Variants in SGSM2 observed in about 807,000 individuals in gnomAD.
The protein encoded by SGSM2 is RUN and TBC1 domain containing 1.
Under a neutral mutation model 126.6 loss-of-function variants are expected in SGSM2, and 89 were observed. The observed-to-expected ratio is 0.70, with a 90% CI of 0.59 to 0.84. The LOEUF (loss-of-function observed/expected upper bound fraction) is 0.84. SGSM2 is among the 40% of genes least tolerant of loss of function. The probability of loss-of-function intolerance (pLI) is 0.00; values close to 1 mark genes in which losing one functional copy is unlikely to be tolerated. For missense variants in SGSM2, 1,404 were observed against 1,416.6 expected (o/e 0.99, Z 0.14); for synonymous variants, 614 against 574.3 (o/e 1.07, Z -0.99).
intron 2 of SGSM2, among the ~76,000 whole-genome samples, chr17:2,360,141 G>A (rs1462015072): frequency 6.6e-6 from 1 of 152,150 alleles, no homozygotes; most frequent in African/African-American, 2.4e-5. Flanking sequence ...TCAGGAGTTC[G>A]AGACCAGCCT....
At position 2,361,711 on chromosome 17, in the gene SGSM2, G is replaced by A. The variant is rs776451471; in HGVS notation, c.208G>A (p.Ala70Thr). ...AGFLRSDKMA[A>T]LFTKVGKTCP... Reference sequence around the variant, plus strand: ...CTTCCTGCGCAGTGACAAGATGGCAGCCCTGTTCACCAAGGTGGGGAAGAC... The same window carrying A: ...CTTCCTGCGCAGTGACAAGATGGCAACCCTGTTCACCAAGGTGGGGAAGAC... Residue 70 changes from alanine (A) to threonine (T), a missense_variant, in exon 3 of 24, where the codon GCC becomes ACC. Coordinates refer to ENST00000268989, the MANE Select transcript of SGSM2 (RefSeq NM_014853.3). 12 of 1,613,934 alleles carry A rather than the reference G, an allele frequency of 7.4e-6. No individual in the cohort carries two copies. The East Asian group carries it at 2.5e-4, about 33-fold the overall frequency.
chr17:2,345,386 G>T (rs1482927584), intron 2 of SGSM2, among the ~76,000 whole-genome samples: 1 of 151,560 alleles, frequency 6.6e-6, no homozygotes, highest in Non-Finnish European at 1.5e-5. Context: ...CACGAGGTCA[G>T]GAGATCGAGA....
chr17:2,358,431 C>A (rs1257341717), intron 2 of SGSM2, among the ~76,000 whole-genome samples: 1 of 152,194 alleles, frequency 6.6e-6, no homozygotes, highest in African/African-American at 2.4e-5. Context: ...GTCTCAGAGC[C>A]AGGCTCAGTG....
Position 2,380,370 on chromosome 17 carries a change from G to T in SGSM2, c.*850G>T. 1 of 1,429,076 alleles carries T rather than the reference G, an allele frequency of 7.0e-7. No individual in the cohort carries two copies. The highest frequency in any genetic ancestry group is 9.5e-7 in the Non-Finnish European group (1 of 1,049,912). 88.5% of individuals were successfully genotyped at this position (1,429,076 alleles called of 1,614,324 possible). A position where few individuals can be genotyped will look rare whatever the true frequency, so the allele number is the denominator to read the frequency against. On this transcript the variant is annotated 3_prime_UTR_variant, in exon 24 of 24. Coordinates refer to ENST00000268989, the MANE Select transcript of SGSM2 (RefSeq NM_014853.3). ...AGGAATCCCAGGGTGACTCTGTCGG[G>T]GAAGAATCCGGTCACAGCCTCCCCT...
chr17:2,363,757 C>A lies in SGSM2; in HGVS notation c.807+158C>A. 8.6e-7 allele frequency: 1 copy of A among 1,163,310 alleles called. No individual in the cohort carries two copies. Among genetic ancestry groups the A allele is most frequent in the Non-Finnish European group, 1.2e-6 (1 of 838,042 alleles). The allele number at this position is 1,163,310 out of a possible 1,614,324, so 72.1% of individuals were successfully genotyped here. On this transcript the variant is annotated intron_variant, in intron 7 of 23. Transcript: ENST00000268989. The surrounding 1 kb of genome is among the most constrained non-coding windows in gnomAD (Gnocchi z 4.2). Reference sequence around the variant, plus strand: ...CTCCCTGTTTCACACGACTCACGCCCAGCCTTTAGTTGGCAGGGGACAGGA... The same window carrying A: ...CTCCCTGTTTCACACGACTCACGCCAAGCCTTTAGTTGGCAGGGGACAGGA...
At position 2,372,476 on chromosome 17, in the gene SGSM2, G is replaced by C; in HGVS notation, c.1776G>C (p.Gln592His). The change falls in exon 15 of 24, where the codon CAG (glutamine) becomes CAC (histidine). Residue 592 changes from glutamine (Q) to histidine (H), a missense_variant. Transcript: ENST00000268989. The surrounding 1 kb of genome is among the most constrained non-coding windows in gnomAD (Gnocchi z 6.0). ...CCAAGGACGTGTGGAGCAAGTATCA[G>C]AAGGACAAAAAGGTGCCAACCCTGG... is the stretch of plus-strand genomic sequence containing the variant. ...GLTKDVWSKY[Q>H]KDKKNYKELE... 6.2e-7 allele frequency: 1 copy of C among 1,600,294 alleles called. No homozygotes were observed. Among genetic ancestry groups the C allele is most frequent in the South Asian group, 1.1e-5 (1 of 88,998 alleles).
rs534502927 is a variant in SGSM2 at position 2,374,000 on chromosome 17, G to A, written c.2100+487G>A. ...CCCGTAGAGCAGCCCCATTGGTGTC[G>A]ACTGGCGAGATCCTTCCTCCCCGCG... On this transcript the variant is annotated intron_variant, in intron 17 of 23. Transcript: ENST00000268989. 2.6e-4 allele frequency: 41 copies of A among 160,108 alleles called. 1 individual carries two copies. The highest frequency in any genetic ancestry group is 2.0e-3 in the East Asian group (11 of 5,488). 9.9% of individuals were successfully genotyped at this position (160,108 alleles called of 1,614,324 possible).
chr17:2,347,307 A>G (rs1425451738), intron 2 of SGSM2, among the ~76,000 whole-genome samples: 2 of 151,708 alleles, frequency 1.3e-5, no homozygotes, highest in Admixed American at 1.3e-4. Context: ...GGGTTTCACC[A>G]TGTTGGCCAG....
In SGSM2 at chr17:2,375,823, G is replaced by A. The variant is rs1165403910; in HGVS notation, c.2432G>A (p.Gly811Glu). 1.3e-6 allele frequency: 2 copies of A among 1,549,466 alleles called. No individual in the cohort carries two copies. Among genetic ancestry groups the A allele is most frequent in the South Asian group, 1.2e-5 (1 of 81,354 alleles). The change falls in exon 18 of 24, where the codon GGA (glycine) becomes GAA (glutamate). Residue 811 changes from glycine to glutamate, a missense_variant. Gly to Glu is a moderately conservative substitution (Grantham distance 98). Coordinates refer to ENST00000268989, the MANE Select transcript of SGSM2 (RefSeq NM_014853.3). ...CCCAGCCAGGAGAAGCCTCAGGCCG[G>A]AGAACTGGAGGCCGGAGAGGAGCTT... ...QDPSQEKPQA[G>E]ELEAGEELAA...
chr17:2,374,652 C>G (rs2066042058), intron 17 of SGSM2: 1 of 152,172 alleles, frequency 6.6e-6, no homozygotes, highest in African/African-American at 2.4e-5. Flanking sequence ...GTTCTTAATC[C>G]CCTATCCAGG....
intron 12 of SGSM2, among the ~76,000 whole-genome samples, chr17:2,370,673 C>T (rs971274528): frequency 6.6e-6 from 1 of 152,248 alleles, no homozygotes; most frequent in East Asian, 1.9e-4. Context: ...GGTACCTGGC[C>T]TGGGCACGGG....
chr17:2,364,162 G>A lies in SGSM2; in HGVS notation c.911G>A (p.Gly304Glu). Residue 304 changes from glycine (G) to glutamate (E), a missense_variant, in exon 8 of 24, where the codon GGG becomes GAG. Gly to Glu is a moderately conservative substitution (Grantham distance 98). Coordinates refer to ENST00000268989, the MANE Select transcript of SGSM2 (RefSeq NM_014853.3). Reference sequence around the variant, plus strand: ...AACCAGCTCATGAATGGGACTCTGGGGGACTCCGAGCTGGAAAAGAGGTGG... The same window carrying A: ...AACCAGCTCATGAATGGGACTCTGGAGGACTCCGAGCTGGAAAAGAGGTGG... ...TPNQLMNGTL[G>E]DSELEKSVYW... The A allele has an allele frequency of 1.2e-6, 2 of 1,613,948 alleles. No homozygotes were observed. The highest frequency in any genetic ancestry group is 1.1e-5 in the South Asian group (1 of 91,090).
rs757207698 is a variant in SGSM2 at position 2,373,376 on chromosome 17, T to A, written c.1963T>A (p.Trp655Arg). The A allele has an allele frequency of 2.5e-6, 4 of 1,610,310 alleles. No individual in the cohort carries two copies. In the African/African-American group the frequency reaches 5.4e-5, roughly 22 times the overall value. Residue 655 changes from tryptophan to arginine, a missense_variant, in exon 17 of 24, where the codon TGG (tryptophan) becomes AGG (arginine). Trp to Arg is a moderately radical substitution (Grantham distance 101, BLOSUM62 -3). Transcript: ENST00000268989. ...AAGGTACCAGCAGGTGTTGGCAGAG[T>A]GGAAGGCCTGCGAGGTGGTGGTGAG... is the stretch of plus-strand genomic sequence containing the variant. Reference protein sequence around the residue: ...AARYQQVLAEWKACEVVVRQR... With the variant: ...AARYQQVLAERKACEVVVRQR...
rs999575757 is a variant in SGSM2, at chr17:2,337,661, A to C, written c.-28A>C. ...CGGCGAGGGCGCGGGGGCTCTGAGG[A>C]CCGCTCGGCGCCGCCTCCTGCCACA... On this transcript the variant is annotated 5_prime_UTR_variant, in exon 1 of 24. Transcript: ENST00000268989. The surrounding 1 kb of genome is among the most constrained non-coding windows in gnomAD (Gnocchi z 5.1). The C allele has an allele frequency of 1.4e-6, 2 of 1,439,028 alleles. No individual in the cohort carries two copies. Among genetic ancestry groups the C allele is most frequent in the Non-Finnish European group, 1.8e-6 (2 of 1,082,618 alleles). 89.1% of individuals were successfully genotyped at this position (1,439,028 alleles called of 1,614,324 possible). A position where few individuals can be genotyped will look rare whatever the true frequency, so the allele number is the denominator to read the frequency against.
Position 2,365,064 on chromosome 17 carries a change from C to T in SGSM2, c.1161+7C>T, listed in dbSNP as rs1234409618. Reference sequence around the variant, plus strand: ...GTGGACCCAGCAAGGGAAGGTAACTCGGGTGGGAGGCTTTAGGGGAAGGGC... The same window carrying T: ...GTGGACCCAGCAAGGGAAGGTAACTTGGGTGGGAGGCTTTAGGGGAAGGGC... On this transcript the variant is annotated splice_region_variant and intron_variant, in intron 10 of 23. Coordinates refer to ENST00000268989, the MANE Select transcript of SGSM2 (RefSeq NM_014853.3). The T allele has an allele frequency of 1.2e-6, 2 of 1,611,058 alleles. No individual in the cohort carries two copies. Among genetic ancestry groups the T allele is most frequent in the African/African-American group, 1.3e-5 (1 of 75,002 alleles).
chr17:2,371,411 G>C lies in SGSM2; in HGVS notation c.1573G>C (p.Asp525His). The change falls in exon 13 of 24, where the codon GAC (aspartate) becomes CAC (histidine). Residue 525 changes from aspartate (D) to histidine (H), a missense_variant. By Grantham distance (81) the Asp-to-His change is moderately conservative. Coordinates refer to ENST00000268989, the MANE Select transcript of SGSM2 (RefSeq NM_014853.3). Reference protein sequence around the residue: ...ATPSHCSCIPDRLPLRLLCES... With the variant: ...ATPSHCSCIPHRLPLRLLCES... ...CCCCAGCCACTGTAGCTGCATCCCCGACCGGTGAGTGGGCAGCGCTCGGCC... is the reference window on the plus strand; with the variant it reads ...CCCCAGCCACTGTAGCTGCATCCCCCACCGGTGAGTGGGCAGCGCTCGGCC... The C allele has an allele frequency of 6.3e-7, 1 of 1,596,508 alleles. No homozygotes were observed. Among genetic ancestry groups the C allele is most frequent in the Non-Finnish European group, 8.5e-7 (1 of 1,170,756 alleles).
intron 12 of SGSM2, among the ~76,000 whole-genome samples, chr17:2,370,361 AG>A (rs1359055228): frequency 3.9e-5 from 6 of 152,178 alleles, no homozygotes; most frequent in African/African-American, 1.4e-4. Flanking sequence ...GAAGCTCTCG[AG>A]GGTCTTGAGT....
Position 2,376,121 on chromosome 17 carries a change from C to A in SGSM2, c.2485-16C>A. ...GGCTGCCCGGTCTCATGCCTGAGGG[C>A]CCTCCACTCTTCCAGATAGAATTAC... On this transcript the variant is annotated splice_polypyrimidine_tract_variant and intron_variant, in intron 18 of 23. Coordinates refer to ENST00000268989, the MANE Select transcript of SGSM2 (RefSeq NM_014853.3). 1 of 1,613,922 alleles carries A rather than the reference C, an allele frequency of 6.2e-7. No homozygotes were observed. Among genetic ancestry groups the A allele is most frequent in the South Asian group, 1.1e-5 (1 of 91,080 alleles).
At position 2,363,781 on chromosome 17, in the gene SGSM2, G is replaced by C. The variant is rs534377015; in HGVS notation, c.807+182G>C. ...CCAGCCTTTAGTTGGCAGGGGACAG[G>C]AATGGCAGCCAGCAGGCGAGGGGAG... On this transcript the variant is annotated intron_variant, in intron 7 of 23. Coordinates refer to ENST00000268989, the MANE Select transcript of SGSM2 (RefSeq NM_014853.3). The surrounding 1 kb of genome is among the most constrained non-coding windows in gnomAD (Gnocchi z 4.2). The C allele has an allele frequency of 2.0e-6, 2 of 1,002,618 alleles. No individual in the cohort carries two copies. The highest frequency in any genetic ancestry group is 5.3e-5 in the East Asian group (2 of 38,018). 62.1% of individuals were successfully genotyped at this position (1,002,618 alleles called of 1,614,324 possible).
Sources: gnomAD v4.1 joint callset for allele counts (sites outside exome capture counted in the v4.1 genomes callset) on GRCh38, gnomAD v4.1.1 for gene constraint, Gnocchi (gnomAD v3.1) non-coding constraint, MANE v1.5 for transcripts, NCBI Gene and HGNC (gene_info 2026-07-23, HGNC 2026-07-21) for gene names.